Variants in TRIM9 observed in about 807,000 individuals in gnomAD.
TRIM9 encodes tripartite motif containing 9.
A neutral mutation model predicts 78.3 loss-of-function variants in TRIM9; 26 were observed. The observed-to-expected ratio is 0.33, with a 90% confidence interval of 0.24 to 0.46. The LOEUF is 0.46. Among genes scored for constraint, TRIM9 ranks in the 20% least tolerant of loss-of-function variants. The pLI, the probability that TRIM9 is intolerant of heterozygous loss-of-function variation, is 1.00. For missense variants in TRIM9, 787 were observed against 1,036.4 expected, an observed-to-expected ratio of 0.76 and a Z score of 3.30; for synonymous variants, 398 against 416.5, an observed-to-expected ratio of 0.96 and a Z score of 0.54.
rs193180979 is a variant in TRIM9 at position 51,045,338 on chromosome 14, A to C, written c.823-19978T>G. Among the ~76,000 whole-genome samples, 6 of 152,378 alleles carry C rather than the reference A, an allele frequency of 3.9e-5. No individual in the cohort carries two copies. The East Asian group carries it at 1.2e-3, about 29-fold the overall frequency. ...GTGTGTCCCTGTGAGGGTGACACTC[A>C]GACACATAAAACAATCTTTCTTATG... is the stretch of plus-strand genomic sequence containing the variant. On this transcript the variant is annotated intron_variant, in intron 1 of 12. Coordinates refer to ENST00000684578, the MANE Select transcript of TRIM9 (RefSeq NM_001387360.1).
At chr14:51,056,459 C>T (rs1181886864) in intron 1 of TRIM9, among the ~76,000 whole-genome samples, 1 of 152,140 alleles carries the variant, frequency 6.6e-6, no homozygotes, top group African/African-American at 2.4e-5. Context: ...TCCCCAGTGG[C>T]AGATATGCTA....
intron 1 of TRIM9, among the ~76,000 whole-genome samples, chr14:51,066,278 A>T (rs2061731978): frequency 6.6e-6 from 1 of 152,134 alleles, no homozygotes; most frequent in South Asian, 2.1e-4. Context: ...TTCCCATCAG[A>T]CTTTTCATCC....
At chr14:51,024,057 C>T (rs910240617) in intron 2 of TRIM9, among the ~76,000 whole-genome samples, 5 of 152,152 alleles carry the variant, frequency 3.3e-5, no homozygotes, top group African/African-American at 4.8e-5. Context: ...TTGGCTTTCA[C>T]GGCAATTGCT....
intron 5 of TRIM9, among the ~76,000 whole-genome samples, chr14:51,005,183 T>G (rs1401560390): frequency 6.6e-6 from 1 of 152,218 alleles, no homozygotes; most frequent in Non-Finnish European, 1.5e-5. Context: ...TGCAAGTGTG[T>G]GTGCTCATTC....
chr14:51,009,302 G>A, intron 4 of TRIM9, 69 bp from the exon 5 acceptor site: 2 of 1,582,500 alleles, frequency 1.3e-6, no homozygotes, highest in East Asian at 2.2e-5. Flanking sequence ...ACTGCCCCTT[G>A]GCTCTCCAGG....
At chr14:51,035,620 C>G (rs2059074252) in intron 1 of TRIM9, among the ~76,000 whole-genome samples, 1 of 152,112 alleles carries the variant, frequency 6.6e-6, no homozygotes, top group Non-Finnish European at 1.5e-5. Context: ...AACGCTATAC[C>G]ACCCGGAAGA....
chr14:51,005,267 C>T (rs2055623705), intron 5 of TRIM9, among the ~76,000 whole-genome samples: 1 of 152,154 alleles, frequency 6.6e-6, no homozygotes, highest in South Asian at 2.1e-4. Context: ...ACTGTCCTTG[C>T]CCATGACCTT....
intron 1 of TRIM9, among the ~76,000 whole-genome samples, chr14:51,079,229 A>G (rs1035517010): frequency 6.6e-6 from 1 of 152,132 alleles, no homozygotes; most frequent in Non-Finnish European, 1.5e-5. Flanking sequence ...GAGTGAAACT[A>G]TAATAATAAT....
chr14:51,033,217 T>C lies in TRIM9; in HGVS notation c.823-7857A>G, dbSNP rs111734095. Reference sequence around the variant, plus strand: ...CAATTCTCCTGCCTCAGCCTCCTCCTGAGTAGCTGGGACTACAGGTGTGTG... The same window carrying C: ...CAATTCTCCTGCCTCAGCCTCCTCCCGAGTAGCTGGGACTACAGGTGTGTG... On this transcript the variant is annotated intron_variant, in intron 1 of 12. Coordinates refer to ENST00000684578, the MANE Select transcript of TRIM9 (RefSeq NM_001387360.1). Among the ~76,000 whole-genome samples the C allele has an allele frequency of 2.3e-3, 349 of 152,242 alleles. 2 individuals are homozygous for C. The highest frequency in any genetic ancestry group is 7.5e-3 in the African/African-American group (312 of 41,558).
intron 5 of TRIM9, among the ~76,000 whole-genome samples, chr14:51,006,331 T>C (rs1308080995): frequency 6.6e-6 from 1 of 152,222 alleles, no homozygotes; most frequent in Non-Finnish European, 1.5e-5. Flanking sequence ...ACTGACAAGT[T>C]GTGAAAGGGC....
intron 1 of TRIM9, among the ~76,000 whole-genome samples, chr14:51,050,295 G>T (rs1359051922): frequency 6.6e-6 from 1 of 152,026 alleles, no homozygotes; most frequent in Non-Finnish European, 1.5e-5. Context: ...TTGAATCATG[G>T]GGGCAGTTTT....
intron 1 of TRIM9, among the ~76,000 whole-genome samples, chr14:51,030,601 G>A (rs1305355941): frequency 6.6e-6 from 1 of 151,810 alleles, no homozygotes; most frequent in Non-Finnish European, 1.5e-5. Flanking sequence ...GTGTGTGTAT[G>A]AGTGTGCATA....
rs951197486 is a variant in TRIM9, at chr14:50,975,851, T to A, written c.*1440A>T. ...ATTTCAAGGGTAACCTATGTAAGTC[T>A]ATCTCTATATAGAAGTAAGATGCAT... On this transcript the variant is annotated 3_prime_UTR_variant, in exon 13 of 13. Coordinates refer to ENST00000684578, the MANE Select transcript of TRIM9 (RefSeq NM_001387360.1). 3.9e-5 allele frequency: 6 copies of A among 152,690 alleles called. No individual in the cohort carries two copies. Among genetic ancestry groups the A allele is most frequent in the African/African-American group, 1.4e-4 (6 of 41,474 alleles). The allele number at this position is 152,690 out of a possible 1,614,324, so 9.5% of individuals were successfully genotyped here. A position where few individuals can be genotyped will look rare whatever the true frequency, so the allele number is the denominator to read the frequency against.
intron 7 of TRIM9, chr14:50,996,686 G>T: frequency 2.0e-6 from 2 of 985,432 alleles, no homozygotes; most frequent in Non-Finnish European, 2.4e-6. Context: ...AGTTAGTATG[G>T]TATTTTGAGA....
chr14:50,977,717 T>C (rs2051246616), intron 12 of TRIM9, among the ~76,000 whole-genome samples: 1 of 152,206 alleles, frequency 6.6e-6, no homozygotes, highest in Non-Finnish European at 1.5e-5. Context: ...GAGGACAGAT[T>C]CGCAGAGACA....
At chr14:51,041,705 TTAC>T (rs1385798359) in intron 1 of TRIM9, among the ~76,000 whole-genome samples, 1 of 152,212 alleles carries the variant, frequency 6.6e-6, no homozygotes, top group Non-Finnish European at 1.5e-5. Flanking sequence ...TCTTTTCTCT[TTAC>T]TATTATTTCT....
intron 3 of TRIM9, among the ~76,000 whole-genome samples, chr14:51,022,380 A>T (rs2057839048): frequency 6.6e-6 from 1 of 152,184 alleles, no homozygotes; most frequent in Non-Finnish European, 1.5e-5. Context: ...ATGATGCAGC[A>T]TGAAGGCCCC....
At chr14:51,024,332 G>T (rs1423369460) in intron 2 of TRIM9, among the ~76,000 whole-genome samples, 8 of 152,150 alleles carry the variant, frequency 5.3e-5, no homozygotes, top group Non-Finnish European at 1.5e-5. Context: ...ATACAAAACT[G>T]CTAGGCTGTT....
At chr14:50,998,813 G>A (rs375820715) in intron 6 of TRIM9, among the ~76,000 whole-genome samples, 32 of 152,186 alleles carry the variant, frequency 2.1e-4, no homozygotes, top group African/African-American at 4.8e-4. Context: ...AGCATAATGC[G>A]TCTTTAGCAT....
Sources: allele counts gnomAD v4.1 joint callset (sites outside exome capture counted in the v4.1 genomes callset), GRCh38; gene constraint gnomAD v4.1.1; transcripts MANE v1.5; gene names NCBI Gene and HGNC (gene_info 2026-07-23, HGNC 2026-07-21).